HECW1: variants seen among roughly 807,000 people sequenced by gnomAD.
The protein encoded by HECW1 is E3 ubiquitin-protein ligase HECW1.
In HECW1, 61 loss-of-function variants were observed where a neutral mutation model predicts 182.3. The ratio of observed to expected loss-of-function variants is 0.33; its 90% CI spans 0.27 to 0.41. The LOEUF (loss-of-function observed/expected upper bound fraction) is 0.41. Among genes scored for constraint, HECW1 ranks in the 10% least tolerant of loss-of-function variants. HECW1 has a pLI of 1.00. For missense variants in HECW1, 1,739 were observed against 2,108.9 expected (o/e 0.82, Z 3.44); for synonymous variants, 859 against 832.6 (o/e 1.03, Z -0.55).
chr7:43,466,646 A>C (rs1336086228), intron 15 of HECW1, 78 bp downstream of exon 15: 1 of 1,459,274 alleles, frequency 6.9e-7, no homozygotes, highest in Admixed American at 2.1e-5. Context: ...CATCTGATAG[A>C]TCTAAAAGGG....
intron 2 of HECW1, among the ~76,000 whole-genome samples, chr7:43,206,613 AAAAGCCTTAC>A (rs1457529679): frequency 8.5e-5 from 13 of 152,314 alleles, no homozygotes; most frequent in African/African-American, 2.9e-4. Flanking sequence ...CTAACACCAC[AAAAGCCTTAC>A]AATGCCCAGC....
chr7:43,500,681 C>G lies in HECW1; in HGVS notation c.3438-18C>G. 1 of 1,595,040 alleles carries G rather than the reference C, an allele frequency of 6.3e-7. No homozygotes were observed. Among genetic ancestry groups the G allele is most frequent in the Non-Finnish European group, 8.6e-7 (1 of 1,162,738 alleles). On this transcript the variant is annotated intron_variant, in intron 19 of 29. Transcript: ENST00000395891. ...TGTGTTGGCATCTAATTTTCCTCTT[C>G]TTTCTCACATGATTCAGGGAGAAAA...
chr7:43,205,497 C>G (rs1036021172), intron 2 of HECW1, among the ~76,000 whole-genome samples: 3 of 152,146 alleles, frequency 2.0e-5, no homozygotes, highest in Non-Finnish European at 4.4e-5. Context: ...GATGAAATCA[C>G]TTGTGCTGCA....
chr7:43,164,085 G>A lies in HECW1; in HGVS notation c.-32+49694G>A, dbSNP rs79547591. 6.1e-3 allele frequency among the ~76,000 whole-genome samples: 924 copies of A among 152,162 alleles called. 24 individuals carry two copies. Among genetic ancestry groups the A allele is most frequent in the South Asian group, 0.029 (139 of 4,812 alleles). On this transcript the variant is annotated intron_variant, in intron 2 of 29. Coordinates refer to ENST00000395891, the MANE Select transcript of HECW1 (RefSeq NM_015052.5). ...GCGGTTGGAGGCCCAGGCTTGGGTG[G>A]AGGTAGTGGGAATGAAAGGGAGCCA...
At chr7:43,223,547 A>T (rs979244847) in intron 2 of HECW1, among the ~76,000 whole-genome samples, 1 of 151,996 alleles carries the variant, frequency 6.6e-6, no homozygotes, top group Non-Finnish European at 1.5e-5. Context: ...TGAACCTGGG[A>T]GGTGGAAGTT....
At chr7:43,485,801 C>T (rs1014894763) in intron 17 of HECW1, among the ~76,000 whole-genome samples, 3 of 152,066 alleles carry the variant, frequency 2.0e-5, no homozygotes, top group Non-Finnish European at 4.4e-5. Context: ...ACTGTGAGGC[C>T]TAGGACATTA....
intron 7 of HECW1, among the ~76,000 whole-genome samples, chr7:43,405,548 G>C (rs183866749): frequency 3.5e-4 from 53 of 152,268 alleles, no homozygotes; most frequent in Non-Finnish European, 3.2e-4. Flanking sequence ...TACCAGGGAA[G>C]CTTCTTAGAG....
chr7:43,224,316 G>T (rs1383122060), intron 2 of HECW1, among the ~76,000 whole-genome samples: 1 of 152,196 alleles, frequency 6.6e-6, no homozygotes, highest in Non-Finnish European at 1.5e-5. Flanking sequence ...GCATCTCTAA[G>T]TTCATAGCCT....
chr7:43,493,920 G>A (rs1374100808), intron 19 of HECW1, among the ~76,000 whole-genome samples: 1 of 152,146 alleles, frequency 6.6e-6, no homozygotes, highest in African/African-American at 2.4e-5. Flanking sequence ...CACAAAGTGG[G>A]CATGGTTGCA....
At chr7:43,496,422 C>A (rs2079125744) in intron 19 of HECW1, among the ~76,000 whole-genome samples, 1 of 151,938 alleles carries the variant, frequency 6.6e-6, no homozygotes, top group South Asian at 2.1e-4. Flanking sequence ...GATGATAGAA[C>A]TAAAACAGCA....
intron 24 of HECW1, among the ~76,000 whole-genome samples, chr7:43,518,198 A>G (rs192504460): frequency 2.0e-5 from 3 of 152,264 alleles, no homozygotes; most frequent in Non-Finnish European, 4.4e-5. Flanking sequence ...ACTAGAATCT[A>G]TAAAAGAAAA....
intron 2 of HECW1, among the ~76,000 whole-genome samples, chr7:43,162,680 A>G (rs1232690760): frequency 1.3e-5 from 2 of 152,250 alleles, no homozygotes; most frequent in African/African-American, 4.8e-5. Context: ...AGGAGATTCC[A>G]TAGGGAGAAA....
intron 21 of HECW1, among the ~76,000 whole-genome samples, chr7:43,504,944 C>T (rs956491836): frequency 2.6e-5 from 4 of 152,224 alleles, no homozygotes; most frequent in South Asian, 2.1e-4. Context: ...CCCAATCCAG[C>T]GGGCAGTTCT....
intron 8 of HECW1, among the ~76,000 whole-genome samples, chr7:43,421,743 C>A (rs916508712): frequency 2.0e-5 from 3 of 152,112 alleles, no homozygotes; most frequent in Non-Finnish European, 4.4e-5. Flanking sequence ...GCACACTCAC[C>A]AGTGTGCAAT....
chr7:43,213,601 A>G (rs901772406), intron 2 of HECW1, among the ~76,000 whole-genome samples: 1 of 151,774 alleles, frequency 6.6e-6, no homozygotes, highest in Non-Finnish European at 1.5e-5. Context: ...GCCCGCCACC[A>G]TGCCCAGCTA....
chr7:43,156,820 C>T (rs917470139), intron 2 of HECW1, among the ~76,000 whole-genome samples: 3 of 151,208 alleles, frequency 2.0e-5, no homozygotes, highest in Non-Finnish European at 4.4e-5. Context: ...TGAGGCCATT[C>T]ACCACATTAT....
intron 2 of HECW1, among the ~76,000 whole-genome samples, chr7:43,115,133 G>A (rs1233030545): frequency 6.6e-6 from 1 of 152,170 alleles, no homozygotes; most frequent in Non-Finnish European, 1.5e-5. Context: ...AGAGGAGTAA[G>A]AAAAGTTACC....
chr7:43,269,933 G>A (rs540473833), intron 3 of HECW1, among the ~76,000 whole-genome samples: 2 of 152,264 alleles, frequency 1.3e-5, no homozygotes, highest in East Asian at 3.9e-4. Flanking sequence ...GAATTATCTG[G>A]CTCAAAATGT....
chr7:43,490,834 T>C (rs2078901346), intron 17 of HECW1, among the ~76,000 whole-genome samples: 2 of 152,216 alleles, frequency 1.3e-5, no homozygotes, highest in South Asian at 4.1e-4. Flanking sequence ...CTCGGTTCAC[T>C]GCAACCTATG....
Sources: allele counts gnomAD v4.1 joint callset (sites outside exome capture counted in the v4.1 genomes callset), GRCh38; gene constraint gnomAD v4.1.1; transcripts MANE v1.5; gene names NCBI Gene and HGNC (gene_info 2026-07-23, HGNC 2026-07-21).